FSTL5: variants seen among roughly 807,000 people sequenced by gnomAD.
FSTL5 encodes follistatin like 5.
Under a neutral mutation model 89.1 loss-of-function variants are expected in FSTL5, and 62 were observed. The ratio of observed to expected loss-of-function variants is 0.70; its 90% CI spans 0.57 to 0.86. The LOEUF (loss-of-function observed/expected upper bound fraction) is 0.86. Among genes scored for constraint, FSTL5 ranks in the 40% least tolerant of loss-of-function variants. FSTL5 has a pLI of 0.00. For missense variants in FSTL5, 1,057 were observed against 1,001.6 expected, an observed-to-expected ratio of 1.06 and a Z score of -0.75; for synonymous variants, 383 against 346.2, an observed-to-expected ratio of 1.11 and a Z score of -1.18.
chr4:161,803,350 G>A (rs1162956020), intron 4 of FSTL5, among the ~76,000 whole-genome samples: 6 of 151,890 alleles, frequency 4.0e-5, no homozygotes, highest in Admixed American at 3.9e-4. Context: ...ACAAAACTTT[G>A]AAGATAATAT....
At chr4:161,804,101 A>C (rs1729883768) in intron 4 of FSTL5, among the ~76,000 whole-genome samples, 1 of 151,942 alleles carries the variant, frequency 6.6e-6, no homozygotes, top group Admixed American at 6.6e-5. Flanking sequence ...CAGCATCTGC[A>C]CATCAAATCC....
intron 15 of FSTL5, among the ~76,000 whole-genome samples, chr4:161,445,814 A>G (rs914075878): frequency 6.6e-6 from 1 of 152,034 alleles, no homozygotes; most frequent in Non-Finnish European, 1.5e-5. Context: ...TGTTTGAACC[A>G]TATCTTAAAG....
chr4:161,522,960 A>C (rs1403577575), intron 10 of FSTL5, among the ~76,000 whole-genome samples: 5 of 151,966 alleles, frequency 3.3e-5, no homozygotes, highest in Non-Finnish European at 2.9e-5. Flanking sequence ...ACTTGAGAAA[A>C]TTTTAAAGCT....
intron 8 of FSTL5, among the ~76,000 whole-genome samples, chr4:161,582,608 G>T (rs1560964996): frequency 1.3e-5 from 2 of 152,088 alleles, no homozygotes; most frequent in Non-Finnish European, 2.9e-5. Context: ...CCAATTTTAG[G>T]GCTGTGGTTT....
At chr4:161,586,128 C>T (rs898832103) in intron 8 of FSTL5, among the ~76,000 whole-genome samples, 2 of 152,166 alleles carry the variant, frequency 1.3e-5, no homozygotes, top group Non-Finnish European at 2.9e-5. Flanking sequence ...GGTCCTCCTT[C>T]TCAGTGTTCT....
chr4:161,877,765 G>T (rs1219634676), intron 4 of FSTL5, among the ~76,000 whole-genome samples: 1 of 152,000 alleles, frequency 6.6e-6, no homozygotes, highest in African/African-American at 2.4e-5. Flanking sequence ...GGCGGAGCTT[G>T]CAGTGAGCCG....
intron 1 of FSTL5, among the ~76,000 whole-genome samples, chr4:162,160,690 A>G (rs1265821438): frequency 6.6e-6 from 1 of 151,864 alleles, no homozygotes; most frequent in East Asian, 1.9e-4. Flanking sequence ...AAAGAAAACT[A>G]TCCAAATTAT....
chr4:161,477,550 T>G (rs953982551), intron 13 of FSTL5, among the ~76,000 whole-genome samples: 2 of 151,426 alleles, frequency 1.3e-5, no homozygotes, highest in African/African-American at 4.8e-5. Context: ...AGTCCTGACT[T>G]TATATCTTAA....
In FSTL5 at chr4:161,825,802, T is replaced by C. The variant is rs192324532; in HGVS notation, c.410-49728A>G. On this transcript the variant is annotated intron_variant, in intron 4 of 15. Transcript: ENST00000306100. ...TTCCTTACCTAGTTAATCTCACTAA[T>C]GGTCTGTCAATTTTATTTATCTTTT... Among the ~76,000 whole-genome samples, 409 of 152,272 alleles carry C rather than the reference T, an allele frequency of 2.7e-3. 5 individuals carry two copies. The highest frequency in any genetic ancestry group is 9.4e-3 in the African/African-American group (392 of 41,582).
intron 8 of FSTL5, among the ~76,000 whole-genome samples, chr4:161,571,210 G>A (rs977593961): frequency 6.6e-6 from 1 of 152,146 alleles, no homozygotes; most frequent in African/African-American, 2.4e-5. Flanking sequence ...CAGGTTAGAT[G>A]TTGCTCTAAT....
chr4:161,412,764 C>T (rs1731637110), intron 15 of FSTL5, among the ~76,000 whole-genome samples: 1 of 152,140 alleles, frequency 6.6e-6, no homozygotes, highest in South Asian at 2.1e-4. Flanking sequence ...TAAACCTACA[C>T]TCCTACAACC....
At chr4:161,603,746 G>C (rs986155253) in intron 7 of FSTL5, among the ~76,000 whole-genome samples, 1 of 152,084 alleles carries the variant, frequency 6.6e-6, no homozygotes, top group Admixed American at 6.6e-5. Context: ...TCATGTTCGA[G>C]AGACAGAACG....
At chr4:162,099,859 A>T (rs932023271) in intron 2 of FSTL5, among the ~76,000 whole-genome samples, 3 of 152,192 alleles carry the variant, frequency 2.0e-5, no homozygotes, top group Admixed American at 6.5e-5. Context: ...AGGGAATTGC[A>T]AATTAAAACT....
Position 161,992,925 on chromosome 4 carries a change from T to C in FSTL5, c.160+40700A>G, listed in dbSNP as rs375772644. On this transcript the variant is annotated intron_variant, in intron 3 of 15. Transcript: ENST00000306100. ...GTGTGTATATATATATATATATATA[T>C]GTGTGTATATATATATGTGTGTATA... 7.0e-3 allele frequency among the ~76,000 whole-genome samples: 59 copies of C among 8,448 alleles called. 3 individuals are homozygous for C. The East Asian group carries it at 0.2, about 29-fold the overall frequency. The allele number at this position is 8,448 out of a possible 152,430, so 5.5% of individuals were successfully genotyped here.
At chr4:161,765,128 A>G (rs1015424911) in intron 5 of FSTL5, among the ~76,000 whole-genome samples, 2 of 152,222 alleles carry the variant, frequency 1.3e-5, no homozygotes, top group Non-Finnish European at 2.9e-5. Flanking sequence ...ATTCTAAGTC[A>G]AACACCTGGT....
intron 3 of FSTL5, among the ~76,000 whole-genome samples, chr4:161,969,788 C>G (rs1735429697): frequency 6.6e-6 from 1 of 151,558 alleles, no homozygotes; most frequent in African/African-American, 2.4e-5. Flanking sequence ...TTGGAGGAAC[C>G]AATTTGTGAC....
At chr4:161,632,658 T>C (rs1186939165) in intron 7 of FSTL5, among the ~76,000 whole-genome samples, 1 of 152,154 alleles carries the variant, frequency 6.6e-6, no homozygotes, top group Non-Finnish European at 1.5e-5. Flanking sequence ...ATAGTCTGAG[T>C]TAAAAGAAAG....
chr4:161,801,480 G>A (rs145826775), intron 4 of FSTL5, among the ~76,000 whole-genome samples: 136 of 151,392 alleles, frequency 9.0e-4, no homozygotes, highest in African/African-American at 3.0e-3. Flanking sequence ...AATCATCTTG[G>A]CAATTTCATG....
chr4:161,651,189 G>C (rs146101876), intron 7 of FSTL5, among the ~76,000 whole-genome samples: 230 of 151,862 alleles, frequency 1.5e-3, no homozygotes, highest in African/African-American at 5.3e-3. Context: ...CAGAAATGTG[G>C]GCATACAGAG....
Sources: gnomAD v4.1 joint callset for allele counts (sites outside exome capture counted in the v4.1 genomes callset) on GRCh38, gnomAD v4.1.1 for gene constraint, MANE v1.5 for transcripts, NCBI Gene and HGNC (gene_info 2026-07-23, HGNC 2026-07-21) for gene names.